The following PTPRU variants were observed in gnomAD, a reference collection of about 807,000 sequenced individuals.
PTPRU encodes the protein protein tyrosine phosphatase receptor type U.
PTPRU carries 69 observed loss-of-function variants against 166.3 expected under a neutral mutation model. The observed-to-expected ratio is 0.41, with a 90% CI of 0.34 to 0.51. PTPRU has a LOEUF of 0.51. Among genes scored for constraint, PTPRU ranks in the 20% least tolerant of loss-of-function variants. The pLI is 0.09. For synonymous variants in PTPRU, 793 were observed against 814.0 expected (o/e 0.97, Z 0.44); for missense variants, 1,657 against 2,013.7 (o/e 0.82, Z 3.39).
intron 25 of PTPRU, among the ~76,000 whole-genome samples, chr1:29,319,312 G>C (rs1688043198): frequency 6.6e-6 from 1 of 150,582 alleles, no homozygotes. Context: ...GGCCTGGAAA[G>C]GAGACTGTCT....
At position 29,313,170 on chromosome 1, in the gene PTPRU, C is replaced by A. The variant is rs142112455; in HGVS notation, c.3227+464C>A. Among the ~76,000 whole-genome samples, 281 of 152,320 alleles carry A rather than the reference C, an allele frequency of 1.8e-3. 1 individual carries two copies. Among genetic ancestry groups the A allele is most frequent in the African/African-American group, 6.2e-3 (258 of 41,566 alleles). On this transcript the variant is annotated intron_variant, in intron 22 of 29. Coordinates refer to ENST00000373779, the MANE Select transcript of PTPRU (RefSeq NM_133178.4). ...CTGGCTCCCGTGACCCCAGCTGCCC[C>A]TCCTCTCTCTGCTTTCTCCCTGGCT... is the stretch of plus-strand genomic sequence containing the variant.
In PTPRU at chr1:29,260,329, C is replaced by T; in HGVS notation, c.851-281C>T. ...GACTTCTGTGTTGATCCTAGCTGGC[C>T]TGCGGTCCGCTCCAGGAGGCGAGGA... is the stretch of plus-strand genomic sequence containing the variant. On this transcript the variant is annotated intron_variant, in intron 6 of 29. Transcript: ENST00000373779. This position sits in a 1 kb window ranked among gnomAD's most constrained non-coding sequence, Gnocchi z 8.3. 1 of 470,992 alleles carries T rather than the reference C, an allele frequency of 2.1e-6. No homozygotes were observed. Among genetic ancestry groups the T allele is most frequent in the Non-Finnish European group, 3.6e-6 (1 of 274,290 alleles). The allele number at this position is 470,992 out of a possible 1,614,324, so 29.2% of individuals were successfully genotyped here. A position where few individuals can be genotyped will look rare whatever the true frequency, so the allele number is the denominator to read the frequency against.
At chr1:29,322,678 G>A (rs112808066) in intron 26 of PTPRU, among the ~76,000 whole-genome samples, 2,275 of 152,190 alleles carry the variant, frequency 0.015, 27 homozygotes, top group Non-Finnish European at 0.024. Flanking sequence ...TTTTACCGAC[G>A]GAGAAACTGA....
At chr1:29,303,332 A>C (rs1159081080) in intron 15 of PTPRU, among the ~76,000 whole-genome samples, 1 of 152,214 alleles carries the variant, frequency 6.6e-6, no homozygotes, top group Non-Finnish European at 1.5e-5. Context: ...GCGGCCCCGC[A>C]CAGGCTGACG....
At chr1:29,303,454 A>T (rs1574696501) in intron 15 of PTPRU, among the ~76,000 whole-genome samples, 1 of 152,192 alleles carries the variant, frequency 6.6e-6, no homozygotes, top group East Asian at 1.9e-4. Context: ...AATGGGGGTA[A>T]TTGCTGGGAG....
At chr1:29,314,351 G>T (rs1300519578) in intron 22 of PTPRU, among the ~76,000 whole-genome samples, 1 of 152,184 alleles carries the variant, frequency 6.6e-6, no homozygotes, top group East Asian at 1.9e-4. Flanking sequence ...GCTAAGTTAA[G>T]CCCCACCAGG....
chr1:29,255,259 G>A lies in PTPRU; in HGVS notation c.74-16G>A, dbSNP rs1558551537. On this transcript the variant is annotated splice_polypyrimidine_tract_variant and intron_variant, in intron 1 of 29. Coordinates refer to ENST00000373779, the MANE Select transcript of PTPRU (RefSeq NM_133178.4). ...GCCCTGCCTTAGCCTGGGCTAACCA[G>A]GCCCTGCTCTCACAGCTGGCTGCAC... 6.2e-7 allele frequency: 1 copy of A among 1,611,772 alleles called. No homozygotes were observed. Among genetic ancestry groups the A allele is most frequent in the Admixed American group, 1.7e-5 (1 of 59,900 alleles).
At chr1:29,249,188 T>G (rs988442785) in intron 1 of PTPRU, among the ~76,000 whole-genome samples, 1 of 151,910 alleles carries the variant, frequency 6.6e-6, no homozygotes, top group Non-Finnish European at 1.5e-5. Context: ...CTGCACACAC[T>G]CACACGCACA....
chr1:29,320,947 A>G lies in PTPRU; in HGVS notation c.3828+122A>G. On this transcript the variant is annotated intron_variant, in intron 26 of 29. Coordinates refer to ENST00000373779, the MANE Select transcript of PTPRU (RefSeq NM_133178.4). The surrounding 1 kb of genome is among the most constrained non-coding windows in gnomAD (Gnocchi z 5.2). ...TCTGCCATCTATTTATTGTGTGATG[A>G]ATCATACACCTTCCCAGAGCCTCAG... 9.0e-7 allele frequency: 1 copy of G among 1,110,798 alleles called. No individual in the cohort carries two copies. The allele number at this position is 1,110,798 out of a possible 1,614,324, so 68.8% of individuals were successfully genotyped here. A position where few individuals can be genotyped will look rare whatever the true frequency, so the allele number is the denominator to read the frequency against.
At position 29,312,615 on chromosome 1, in the gene PTPRU, G is replaced by A. The variant is rs201471973; in HGVS notation, c.3136G>A (p.Val1046Ile). The change falls in exon 22 of 30, where the codon GTC becomes ATC. Residue 1046 changes from valine (V) to isoleucine (I), a missense_variant. Coordinates refer to ENST00000373779, the MANE Select transcript of PTPRU (RefSeq NM_133178.4). ...FHFTAWPEHG[V>I]PYHATGLLAF... ...CTTCACAGCGTGGCCAGAGCATGGC[G>A]TCCCCTACCATGCCACGGGGCTGCT... 1.3e-4 allele frequency: 202 copies of A among 1,611,256 alleles called. No individual in the cohort carries two copies. In the Admixed American group the frequency reaches 1.6e-3, roughly 12 times the overall value.
At position 29,288,518 on chromosome 1, in the gene PTPRU, C is replaced by T. The variant is rs114487380; in HGVS notation, c.2319-3351C>T. On this transcript the variant is annotated intron_variant, in intron 14 of 29. Coordinates refer to ENST00000373779, the MANE Select transcript of PTPRU (RefSeq NM_133178.4). ...CCATTTCTTCAGCCGTGTCCTCCCT[C>T]GTGGGGCCTCTGCAACAGCCCCAGC... is the stretch of plus-strand genomic sequence containing the variant. Among the ~76,000 whole-genome samples the T allele has an allele frequency of 6.1e-4, 93 of 152,260 alleles. 1 individual carries two copies. Among genetic ancestry groups the T allele is most frequent in the African/African-American group, 2.0e-3 (83 of 41,546 alleles).
At chr1:29,240,758 G>T (rs1348645414) in intron 1 of PTPRU, among the ~76,000 whole-genome samples, 1 of 152,146 alleles carries the variant, frequency 6.6e-6, no homozygotes, top group African/African-American at 2.4e-5. Flanking sequence ...GTGAGACGTT[G>T]AGTCTCAACG....
intron 1 of PTPRU, among the ~76,000 whole-genome samples, chr1:29,244,710 T>C (rs12097553): frequency 0.12 from 18,157 of 152,130 alleles, 1,517 homozygotes; most frequent in African/African-American, 0.24. Context: ...CTGACCTCTC[T>C]GGGCCCTTAG....
chr1:29,238,940 A>G lies in PTPRU; in HGVS notation c.73+2223A>G, dbSNP rs1400290173. Among the ~76,000 whole-genome samples, 1 of 152,170 alleles carries G rather than the reference A, an allele frequency of 6.6e-6. No individual in the cohort carries two copies. The highest frequency in any genetic ancestry group is 2.4e-5 in the African/African-American group (1 of 41,448). On this transcript the variant is annotated intron_variant, in intron 1 of 29. Transcript: ENST00000373779. This position sits in a 1 kb window ranked among gnomAD's most constrained non-coding sequence, Gnocchi z 6.1. ...CTTCTGCCTCATAGCCATCATGATA[A>G]TGGTGTATGGCACTTTTGGTAGATA...
At chr1:29,307,157 C>G in intron 18 of PTPRU, 1 of 1,611,548 alleles carries the variant, frequency 6.2e-7, no homozygotes, top group Non-Finnish European at 8.5e-7. Context: ...GTAAGTATCT[C>G]TCTCCCCTTC....
intron 1 of PTPRU, among the ~76,000 whole-genome samples, chr1:29,254,143 G>C (rs1684671521): frequency 6.6e-6 from 1 of 152,162 alleles, no homozygotes; most frequent in South Asian, 2.1e-4. Flanking sequence ...CCCAGGACAG[G>C]GTCTGGCATG....
chr1:29,250,254 A>T (rs974174001), intron 1 of PTPRU, among the ~76,000 whole-genome samples: 4 of 151,892 alleles, frequency 2.6e-5, no homozygotes, highest in African/African-American at 9.7e-5. Context: ...CAGAGTCTTC[A>T]TCATCCTTGT....
At chr1:29,310,642 G>T in intron 18 of PTPRU, 102 bp from the exon 19 acceptor site, 1 of 1,256,576 alleles carries the variant, frequency 8.0e-7, no homozygotes, top group South Asian at 1.2e-5. Context: ...CAGTTCCCTG[G>T]TGGGGTAGGG....
intron 2 of PTPRU, 48 bp downstream of exon 2, chr1:29,255,454 C>CT (rs1192036021): frequency 1.2e-6 from 2 of 1,602,952 alleles, no homozygotes; most frequent in Non-Finnish European, 1.7e-6. Context: ...CTTCCAGAGG[C>CT]ACTTCTACCC....
Sources: allele counts gnomAD v4.1 joint callset (sites outside exome capture counted in the v4.1 genomes callset), GRCh38; gene constraint gnomAD v4.1.1; non-coding constraint Gnocchi (gnomAD v3.1); transcripts MANE v1.5; gene names NCBI Gene and HGNC (gene_info 2026-07-23, HGNC 2026-07-21).